The following ANO1 variants were observed in gnomAD, a reference collection of about 807,000 sequenced individuals.
ANO1 encodes anoctamin-1.
In ANO1, 59 loss-of-function variants were observed where a neutral mutation model predicts 124.0. The observed-to-expected ratio is 0.48, with a 90% confidence interval of 0.39 to 0.59. The LOEUF is 0.59. ANO1 is among the 20% of genes least tolerant of loss of function. ANO1 has a pLI of 0.00. For synonymous variants in ANO1, 529 were observed against 532.0 expected (o/e 0.99, Z 0.08); for missense variants, 1,059 against 1,328.0 (o/e 0.80, Z 3.15).
chr11:70,107,328 G>C (rs1013292464), intron 5 of ANO1, among the ~76,000 whole-genome samples: 18 of 152,114 alleles, frequency 1.2e-4, no homozygotes, highest in Non-Finnish European at 2.1e-4. Flanking sequence ...CTCAAGGCCT[G>C]GTTGTTAAGG....
intron 1 of ANO1, among the ~76,000 whole-genome samples, chr11:70,067,555 C>T (rs144285294): frequency 2.0e-5 from 3 of 152,118 alleles, no homozygotes; most frequent in Non-Finnish European, 4.4e-5. Context: ...CTTGAACTCC[C>T]GACCTCAAGT....
At chr11:70,063,330 C>G (rs568572481) in intron 1 of ANO1, among the ~76,000 whole-genome samples, 6 of 152,276 alleles carry the variant, frequency 3.9e-5, no homozygotes, top group Admixed American at 3.9e-4. Context: ...TTCAGCTCCT[C>G]GGGCCCAGAC....
chr11:70,068,461 T>A (rs1555008918), intron 1 of ANO1, among the ~76,000 whole-genome samples: 1 of 152,072 alleles, frequency 6.6e-6, no homozygotes, highest in African/African-American at 2.4e-5. Context: ...AAAACAAAGG[T>A]CCCTGCTTTC....
intron 1 of ANO1, among the ~76,000 whole-genome samples, chr11:69,989,635 G>T (rs1856116376): frequency 6.6e-6 from 1 of 152,124 alleles, no homozygotes; most frequent in African/African-American, 2.4e-5. Flanking sequence ...AGTAGGGTTT[G>T]GAGCAGGGAA....
intron 2 of ANO1, among the ~76,000 whole-genome samples, chr11:70,101,994 T>A (rs2045298151): frequency 6.6e-6 from 1 of 152,194 alleles, no homozygotes; most frequent in Non-Finnish European, 1.5e-5. Flanking sequence ...AGCTGGGTGG[T>A]CTCAGGGTGA....
intron 1 of ANO1, among the ~76,000 whole-genome samples, chr11:70,081,672 C>T (rs114112162): frequency 1.6e-4 from 24 of 152,266 alleles, no homozygotes; most frequent in African/African-American, 3.6e-4. Flanking sequence ...CAGAGACCAG[C>T]GGAAGAAACC....
intron 24 of ANO1, 90 bp downstream of exon 24, chr11:70,182,776 G>A (rs2048977540): frequency 3.4e-6 from 4 of 1,162,474 alleles, no homozygotes; most frequent in Non-Finnish European, 3.4e-6. Context: ...TCAGGAGCAA[G>A]TCATGAAACA....
intron 1 of ANO1, among the ~76,000 whole-genome samples, chr11:70,040,533 G>A (rs781879666): frequency 1.6e-4 from 24 of 152,190 alleles, no homozygotes; most frequent in Non-Finnish European, 2.4e-4. Flanking sequence ...AAAATTAGTC[G>A]GGCATGGTGG....
chr11:69,966,215 A>T, the ANO1 span, among the ~76,000 whole-genome samples: 9 of 152,184 alleles, frequency 5.9e-5, no homozygotes, highest in Non-Finnish European at 1.3e-4. Flanking sequence ...CTGAAGCCAT[A>T]CCCTGGAGGG....
intron 18 of ANO1, among the ~76,000 whole-genome samples, chr11:70,162,085 C>T (rs1270357306): frequency 7.0e-6 from 1 of 142,782 alleles, no homozygotes; most frequent in African/African-American, 2.6e-5. Context: ...GGGCCCCGGG[C>T]AGTGAGGACC....
chr11:70,106,845 A>C (rs571402478), intron 5 of ANO1, among the ~76,000 whole-genome samples: 1 of 152,108 alleles, frequency 6.6e-6, no homozygotes, highest in African/African-American at 2.4e-5. Flanking sequence ...CCAGTGTGCA[A>C]GTGGATAGGA....
At chr11:70,009,587 G>T (rs1470458992) in intron 1 of ANO1, among the ~76,000 whole-genome samples, 2 of 150,980 alleles carry the variant, frequency 1.3e-5, no homozygotes, top group Admixed American at 6.6e-5. Flanking sequence ...ATAAAGGAAT[G>T]CATGAGGCTG....
At chr11:70,131,161 T>C (rs1275487582) in intron 10 of ANO1, among the ~76,000 whole-genome samples, 1 of 152,222 alleles carries the variant, frequency 6.6e-6, no homozygotes, top group Non-Finnish European at 1.5e-5. Flanking sequence ...CAGAGGCTGC[T>C]GCCTCAGGGT....
chr11:70,020,512 C>T (rs927671059), intron 1 of ANO1, among the ~76,000 whole-genome samples: 5 of 152,230 alleles, frequency 3.3e-5, no homozygotes, highest in Admixed American at 2.0e-4. Context: ...CAGCACCTCC[C>T]TCAGACAGCT....
At chr11:70,004,958 C>T (rs1247577548) in intron 1 of ANO1, among the ~76,000 whole-genome samples, 1 of 152,048 alleles carries the variant, frequency 6.6e-6, no homozygotes, top group Non-Finnish European at 1.5e-5. Context: ...ACTAAAACTA[C>T]AAAAATTAGC....
At chr11:70,065,737 C>T (rs186168150) in intron 1 of ANO1, among the ~76,000 whole-genome samples, 130 of 152,258 alleles carry the variant, frequency 8.5e-4, no homozygotes, top group African/African-American at 3.0e-3. Flanking sequence ...AGTTCTTGTC[C>T]CCAGCACACA....
intron 1 of ANO1, among the ~76,000 whole-genome samples, chr11:70,016,140 G>C (rs1219233006): frequency 6.6e-6 from 1 of 151,384 alleles, no homozygotes; most frequent in Non-Finnish European, 1.5e-5. Context: ...GAATTCTCCT[G>C]CTTCGGCCTC....
At chr11:69,969,396 T>C in the ANO1 span, among the ~76,000 whole-genome samples, 2 of 152,118 alleles carry the variant, frequency 1.3e-5, no homozygotes, top group African/African-American at 4.8e-5. Flanking sequence ...TGCACTCAGC[T>C]CTCTCTTCTG....
At chr11:70,056,851 G>A (rs1402693971) in intron 1 of ANO1, among the ~76,000 whole-genome samples, 3 of 126,148 alleles carry the variant, frequency 2.4e-5, no homozygotes, top group East Asian at 2.1e-4. Flanking sequence ...TTTTTTTCCT[G>A]TGCTTCAATT....
Sources: gnomAD v4.1 joint callset for allele counts (sites outside exome capture counted in the v4.1 genomes callset) on GRCh38, gnomAD v4.1.1 for gene constraint, MANE v1.5 for transcripts, NCBI Gene and HGNC (gene_info 2026-07-23, HGNC 2026-07-21) for gene names.